The following GRID2 variants were observed in gnomAD, a reference collection of about 807,000 sequenced individuals.
GRID2 encodes glutamate ionotropic receptor delta type subunit 2, also known as glutamate receptor ionotropic, delta-2.
GRID2 carries 33 observed loss-of-function variants against 114.8 expected under a neutral mutation model. The observed-to-expected ratio is 0.29, with a 90% confidence interval of 0.22 to 0.38. GRID2 has a LOEUF of 0.38. Ranked by LOEUF, GRID2 falls within the 10% of genes least tolerant of loss-of-function variation. The pLI is 1.00. For missense variants in GRID2, 1,184 were observed against 1,257.7 expected (o/e 0.94, Z 0.89); for synonymous variants, 505 against 449.9 (o/e 1.12, Z -1.55).
chr4:93,514,460 C>CACACACAA (rs1037610536), intron 12 of GRID2, among the ~76,000 whole-genome samples: 15 of 149,804 alleles, frequency 1.0e-4, no homozygotes, highest in African/African-American at 3.5e-4. Flanking sequence ...CACACACACA[C>CACACACAA]AATGCTAAAG....
chr4:93,128,887 G>C (rs751515932), intron 4 of GRID2, among the ~76,000 whole-genome samples: 9 of 152,094 alleles, frequency 5.9e-5, no homozygotes, highest in African/African-American at 1.9e-4. Context: ...TAGAACTTAC[G>C]CTTTGCATTT....
intron 2 of GRID2, among the ~76,000 whole-genome samples, chr4:92,692,358 T>C (rs946326374): frequency 6.6e-6 from 1 of 152,206 alleles, no homozygotes; most frequent in African/African-American, 2.4e-5. Flanking sequence ...AAATATATTT[T>C]ATCTTTTATA....
intron 2 of GRID2, among the ~76,000 whole-genome samples, chr4:92,653,327 C>T (rs201468039): frequency 3.4e-5 from 5 of 146,296 alleles, no homozygotes; most frequent in Admixed American, 2.1e-4. Flanking sequence ...ACACATGTGT[C>T]TGTGTGTGTG....
intron 10 of GRID2, among the ~76,000 whole-genome samples, chr4:93,452,307 A>G (rs1312109138): frequency 1.3e-5 from 2 of 152,166 alleles, no homozygotes; most frequent in Non-Finnish European, 2.9e-5. Flanking sequence ...ACAATAATTA[A>G]GAAGTACTTT....
intron 8 of GRID2, among the ~76,000 whole-genome samples, chr4:93,252,329 A>ATT (rs56056248): frequency 0.55 from 65,382 of 119,594 alleles, 18,510 homozygotes; most frequent in Middle Eastern, 0.74. Flanking sequence ...GGAATCCTTC[A>ATT]TTTTTTTTTT....
At chr4:93,371,821 C>T (rs1762953205) in intron 8 of GRID2, among the ~76,000 whole-genome samples, 1 of 137,590 alleles carries the variant, frequency 7.3e-6, no homozygotes, top group East Asian at 2.2e-4. Flanking sequence ...GATCTTGGCT[C>T]ACTGCAACTT....
chr4:93,741,161 A>C (rs1560963281), intron 14 of GRID2, among the ~76,000 whole-genome samples: 2 of 44,986 alleles, frequency 4.4e-5, no homozygotes, highest in East Asian at 2.2e-3. Flanking sequence ...CTGAGAAACT[A>C]TATATATATA....
At chr4:92,432,124 T>G (rs372185629) in intron 1 of GRID2, among the ~76,000 whole-genome samples, 6 of 152,168 alleles carry the variant, frequency 3.9e-5, no homozygotes, top group African/African-American at 1.4e-4. Context: ...CTGATTTGCC[T>G]GGAGCTAGGG....
chr4:93,108,089 C>A lies in GRID2; in HGVS notation c.530-2659C>A, dbSNP rs550224120. ...GTCCTGGACATTTTCTGAGCTGTTGCCTTTTCTCCTTATCTATTTGCTTGG... is the reference window on the plus strand; with the variant it reads ...GTCCTGGACATTTTCTGAGCTGTTGACTTTTCTCCTTATCTATTTGCTTGG... On this transcript the variant is annotated intron_variant, in intron 3 of 15. Coordinates refer to ENST00000282020, the MANE Select transcript of GRID2 (RefSeq NM_001510.4). 4.6e-5 allele frequency among the ~76,000 whole-genome samples: 7 copies of A among 152,190 alleles called. No individual in the cohort carries two copies. In the South Asian group the frequency reaches 1.5e-3, roughly 32 times the overall value.
At chr4:93,548,170 C>T (rs971118328) in intron 13 of GRID2, among the ~76,000 whole-genome samples, 4 of 151,662 alleles carry the variant, frequency 2.6e-5, no homozygotes, top group Admixed American at 2.0e-4. Flanking sequence ...GAGTGAGACA[C>T]CATCTCAATT....
chr4:92,900,342 G>A (rs964481711), intron 2 of GRID2, among the ~76,000 whole-genome samples: 1 of 152,076 alleles, frequency 6.6e-6, no homozygotes, highest in Admixed American at 6.5e-5. Flanking sequence ...CGGAATCTAG[G>A]CTTTTAATTT....
At chr4:92,725,224 T>C (rs1255198952) in intron 2 of GRID2, among the ~76,000 whole-genome samples, 1 of 152,000 alleles carries the variant, frequency 6.6e-6, no homozygotes, top group Non-Finnish European at 1.5e-5. Flanking sequence ...TCACTTGAAC[T>C]GGGAGGTGGA....
In GRID2 at chr4:93,052,775, C is replaced by T. The variant is rs752907175; in HGVS notation, c.245-32220C>T. ...TTAAAAAGTTTACTCTTCTCCTTGG[C>T]AGCCCTCATCAGATACTCCAGAGGA... is the stretch of plus-strand genomic sequence containing the variant. On this transcript the variant is annotated intron_variant, in intron 2 of 15. Coordinates refer to ENST00000282020, the MANE Select transcript of GRID2 (RefSeq NM_001510.4). Among the ~76,000 whole-genome samples, 13 of 151,842 alleles carry T rather than the reference C, an allele frequency of 8.6e-5. 1 individual carries two copies. Among genetic ancestry groups the T allele is most frequent in the Admixed American group, 6.6e-4 (10 of 15,186 alleles).
At chr4:92,429,198 A>G (rs149057090) in intron 1 of GRID2, among the ~76,000 whole-genome samples, 104 of 152,312 alleles carry the variant, frequency 6.8e-4, no homozygotes, top group African/African-American at 2.4e-3. Flanking sequence ...GCAAGCCTAC[A>G]ATGCATAATA....
rs377188938 is a variant in GRID2, at chr4:92,360,903, A to C, written c.88+56159A>C. 3.9e-5 allele frequency among the ~76,000 whole-genome samples: 6 copies of C among 152,118 alleles called. No individual in the cohort carries two copies. In the East Asian group the frequency reaches 7.8e-4, roughly 20 times the overall value. On this transcript the variant is annotated intron_variant, in intron 1 of 15. Transcript: ENST00000282020. ...GTCTTCATTTTTATAGATAAGATAT[A>C]GATATTTTTCTAGGTTAAATATTTG...
intron 1 of GRID2, among the ~76,000 whole-genome samples, chr4:93,805,762 T>G (rs1347837816): frequency 6.6e-6 from 1 of 152,230 alleles, no homozygotes; most frequent in Non-Finnish European, 1.5e-5. Flanking sequence ...ATATGCCATC[T>G]ACTCCTCAGG....
intron 2 of GRID2, among the ~76,000 whole-genome samples, chr4:92,699,915 G>A (rs1056115125): frequency 6.6e-6 from 1 of 152,110 alleles, no homozygotes; most frequent in African/African-American, 2.4e-5. Context: ...ACATGATTTT[G>A]TTAAGTATAC....
intron 14 of GRID2, among the ~76,000 whole-genome samples, chr4:93,764,771 C>T (rs1417873719): frequency 6.6e-6 from 1 of 152,148 alleles, no homozygotes; most frequent in Non-Finnish European, 1.5e-5. Context: ...ACTTCAATCC[C>T]ATAGATTAAC....
At chr4:92,461,870 C>T (rs147740084) in intron 1 of GRID2, among the ~76,000 whole-genome samples, 91 of 152,068 alleles carry the variant, frequency 6.0e-4, no homozygotes, top group African/African-American at 2.0e-3. Flanking sequence ...TAAGTGAGAT[C>T]TTCATCAGCC....
Sources: gnomAD v4.1 joint callset for allele counts (sites outside exome capture counted in the v4.1 genomes callset) on GRCh38, gnomAD v4.1.1 for gene constraint, MANE v1.5 for transcripts, NCBI Gene and HGNC (gene_info 2026-07-23, HGNC 2026-07-21) for gene names.